Variants in NUP107 observed in about 807,000 individuals in gnomAD.
NUP107 encodes nuclear pore complex protein Nup107.
NUP107 carries 101 observed loss-of-function variants against 141.0 expected under a neutral mutation model. The ratio of observed to expected loss-of-function variants is 0.72; its 90% CI spans 0.61 to 0.84. The LOEUF (loss-of-function observed/expected upper bound fraction) is 0.84, where lower values mean the gene tolerates loss of function less well. Ranked by LOEUF, NUP107 falls within the 40% of genes least tolerant of loss-of-function variation. The pLI, the probability that NUP107 is intolerant of heterozygous loss-of-function variation, is 0.00. For synonymous variants in NUP107, 319 were observed against 363.9 expected (o/e 0.88, Z 1.41); for missense variants, 941 against 1,102.7 (o/e 0.85, Z 2.08).
chr12:68,737,335 T>C lies in NUP107; in HGVS notation c.2502+1991T>C, dbSNP rs984969892. Among the ~76,000 whole-genome samples, 14 of 151,952 alleles carry C rather than the reference T, an allele frequency of 9.2e-5. No homozygotes were observed. The South Asian group carries it at 1.7e-3, about 18-fold the overall frequency. ...CTCCTAGCACTTTGAGAGGCTGAGG[T>C]GGGTGGATCACCTGAGGTCAGGAGC... On this transcript the variant is annotated intron_variant, in intron 26 of 27. Coordinates refer to ENST00000229179, the MANE Select transcript of NUP107 (RefSeq NM_020401.4).
At chr12:68,696,992 A>C (rs1212699393) in intron 6 of NUP107, 70 bp downstream of exon 6, 4 of 923,968 alleles carry the variant, frequency 4.3e-6, no homozygotes, top group Admixed American at 2.1e-5. Flanking sequence ...CATTAACCTA[A>C]TTTTCATAGT....
At chr12:68,736,787 A>G (rs907242229) in intron 26 of NUP107, among the ~76,000 whole-genome samples, 1 of 147,884 alleles carries the variant, frequency 6.8e-6, no homozygotes, top group African/African-American at 2.5e-5. Flanking sequence ...CAATGGCACA[A>G]TCTTGGCTCG....
In NUP107 at chr12:68,735,270, A is replaced by G. The variant is rs1278311560; in HGVS notation, c.2428A>G (p.Thr810Ala). 1 of 1,614,058 alleles carries G rather than the reference A, an allele frequency of 6.2e-7. No individual in the cohort carries two copies. Residue 810 changes from threonine to alanine, a missense_variant, in exon 26 of 28, where the codon ACT becomes GCT. Physicochemically the swap from Thr to Ala is moderately conservative, Grantham distance 58 (BLOSUM62 0). Coordinates refer to ENST00000229179, the MANE Select transcript of NUP107 (RefSeq NM_020401.4). ...TTGGAAAGGGCATTTGGATGCCCTA[A>G]CTGCTGATGTGAAGGAGAAAATGTA... Reference protein sequence around the residue: ...GIWKGHLDALTADVKEKMYNV... With the variant: ...GIWKGHLDALAADVKEKMYNV...
Position 68,692,002 on chromosome 12 carries a change from C to T in NUP107, c.338C>T (p.Ala113Val). The T allele has an allele frequency of 6.2e-7, 1 of 1,604,674 alleles. No homozygotes were observed. The highest frequency in any genetic ancestry group is 2.2e-5 in the East Asian group (1 of 44,804). Reference protein sequence around the residue: ...TNLDDSNWAAAFSSQRSGLFT... With the variant: ...TNLDDSNWAAVFSSQRSGLFT... ...CTGGATGACAGTAACTGGGCAGCTG[C>T]ATTTTCATCACAGCGTTCCGGGCTG... The change falls in exon 5 of 28, where the codon GCA (alanine) becomes GTA (valine). Residue 113 changes from alanine (A) to valine (V), a missense_variant. Physicochemically the swap from Ala to Val is moderately conservative, Grantham distance 64. Transcript: ENST00000229179.
At chr12:68,701,766 T>C (rs1357147343) in intron 7 of NUP107, among the ~76,000 whole-genome samples, 1 of 152,174 alleles carries the variant, frequency 6.6e-6, no homozygotes, top group Non-Finnish European at 1.5e-5. Context: ...CATATTGTTA[T>C]ATGAAAACTG....
At chr12:68,719,898 A>G (rs1877283770) in intron 14 of NUP107, among the ~76,000 whole-genome samples, 1 of 152,254 alleles carries the variant, frequency 6.6e-6, no homozygotes, top group African/African-American at 2.4e-5. Context: ...GTACTGGGCT[A>G]AAGCTTAAAG....
chr12:68,723,247 G>T (rs1877427846), intron 17 of NUP107, among the ~76,000 whole-genome samples: 1 of 151,872 alleles, frequency 6.6e-6, no homozygotes, highest in South Asian at 2.1e-4. Flanking sequence ...GTACCCACTT[G>T]TAGTCCCAGC....
At chr12:68,727,499 A>G (rs1877614068) in intron 20 of NUP107, 110 bp downstream of exon 20, 1 of 626,296 alleles carries the variant, frequency 1.6e-6, no homozygotes. Context: ...AGAATCCATA[A>G]GAGATCTTTT....
At chr12:68,708,561 CG>C (rs1876701100) in intron 8 of NUP107, among the ~76,000 whole-genome samples, 1 of 151,570 alleles carries the variant, frequency 6.6e-6, no homozygotes, top group Admixed American at 6.6e-5. Flanking sequence ...AGGATTTTAA[CG>C]TTTTTAAATG....
At chr12:68,737,771 T>C (rs1565705290) in intron 26 of NUP107, among the ~76,000 whole-genome samples, 1 of 152,234 alleles carries the variant, frequency 6.6e-6, no homozygotes, top group Non-Finnish European at 1.5e-5. Flanking sequence ...TTGAGCCTAA[T>C]ACTCTTACAT....
chr12:68,704,333 T>A (rs888117927), intron 8 of NUP107, among the ~76,000 whole-genome samples: 1 of 152,204 alleles, frequency 6.6e-6, no homozygotes, highest in South Asian at 2.1e-4. Context: ...GAGACTTATT[T>A]CCAAAATAAA....
intron 5 of NUP107, among the ~76,000 whole-genome samples, chr12:68,692,382 C>T (rs528103236): frequency 1.3e-5 from 2 of 152,092 alleles, no homozygotes; most frequent in Non-Finnish European, 2.9e-5. Flanking sequence ...AGTTCAAGAC[C>T]AGCCTGGCCA....
intron 5 of NUP107, among the ~76,000 whole-genome samples, chr12:68,696,101 C>T (rs760650822): frequency 7.9e-5 from 12 of 151,932 alleles, no homozygotes; most frequent in Non-Finnish European, 1.8e-4. Context: ...TGCGGTGGCT[C>T]ACGCTTATAA....
At chr12:68,730,565 G>A (rs888547398) in intron 20 of NUP107, among the ~76,000 whole-genome samples, 1 of 152,112 alleles carries the variant, frequency 6.6e-6, no homozygotes, top group African/African-American at 2.4e-5. Flanking sequence ...GGAATTACAG[G>A]CGCAAGCCAC....
chr12:68,714,060 GTCTTA>G (rs937531930), intron 11 of NUP107: 4 of 396,802 alleles, frequency 1.0e-5, no homozygotes, highest in African/African-American at 6.4e-5. Flanking sequence ...ATTAATTTTG[GTCTTA>G]TCTTAAGATT....
Position 68,696,993 on chromosome 12 carries a change from T to C in NUP107, c.552+71T>C, listed in dbSNP as rs535343421. 37 of 923,786 alleles carry C rather than the reference T, an allele frequency of 4.0e-5. No individual in the cohort carries two copies. In the African/African-American group the frequency reaches 4.1e-4, roughly 10 times the overall value. 57.2% of individuals were successfully genotyped at this position (923,786 alleles called of 1,614,324 possible). The stretch of plus-strand genomic sequence containing the variant: ...GTTTTCATAAACAGCATTAACCTAA[T>C]TTTCATAGTGTTTAAGGGAGGTGTC... On this transcript the variant is annotated intron_variant, in intron 6 of 27. Coordinates refer to ENST00000229179, the MANE Select transcript of NUP107 (RefSeq NM_020401.4).
chr12:68,706,675 C>T, intron 8 of NUP107: 1 of 731,684 alleles, frequency 1.4e-6, no homozygotes, highest in Non-Finnish European at 2.6e-6. Flanking sequence ...GTTAAGGATG[C>T]CAACACCAAG....
At chr12:68,718,970 C>T (rs1877234760) in intron 12 of NUP107, among the ~76,000 whole-genome samples, 1 of 152,062 alleles carries the variant, frequency 6.6e-6, no homozygotes, top group African/African-American at 2.4e-5. Context: ...CTCACTGCAA[C>T]CTCTGCCTCC....
intron 2 of NUP107, among the ~76,000 whole-genome samples, chr12:68,689,260 C>A (rs1592488418): frequency 6.6e-6 from 1 of 152,246 alleles, no homozygotes; most frequent in Admixed American, 6.5e-5. Context: ...ATATTTCTTA[C>A]TGCTGACAGC....
Sources: allele counts gnomAD v4.1 joint callset (sites outside exome capture counted in the v4.1 genomes callset), GRCh38; gene constraint gnomAD v4.1.1; transcripts MANE v1.5; gene names NCBI Gene and HGNC (gene_info 2026-07-23, HGNC 2026-07-21).